MRTFA: variants seen among roughly 807,000 people sequenced by gnomAD.
MRTFA encodes the protein myocardin-related transcription factor A.
MRTFA carries 20 observed loss-of-function variants against 83.5 expected under a neutral mutation model. The observed-to-expected ratio is 0.24, with a 90% CI of 0.17 to 0.35. The LOEUF (loss-of-function observed/expected upper bound fraction) is 0.35, where lower values mean the gene tolerates loss of function less well. MRTFA is among the 10% of genes least tolerant of loss of function. The pLI, the probability that MRTFA is intolerant of heterozygous loss-of-function variation, is 1.00. For synonymous variants in MRTFA, 659 were observed against 541.2 expected, an observed-to-expected ratio of 1.22 and a Z score of -3.02; for missense variants, 1,200 against 1,224.7, an observed-to-expected ratio of 0.98 and a Z score of 0.30.
Position 40,423,667 on chromosome 22 carries a change from T to C in MRTFA, c.796A>G (p.Met266Val). ...AGCATTTCTCTGGAATCCCGGCCCA[T>C]CGGAAGTTGAGACACAACCTGAGAG... The change falls in exon 9 of 15, where the codon ATG becomes GTG. Residue 266 changes from methionine (M) to valine (V), a missense_variant. Around this residue, in one of 2 missense-constraint regions of MRTFA, gnomAD observed 1,107 missense variants for 1,041.8 expected, o/e 1.06. Coordinates refer to ENST00000355630, the MANE Select transcript of MRTFA (RefSeq NM_020831.6). The C allele has an allele frequency of 1.3e-6, 2 of 1,571,080 alleles. No individual in the cohort carries two copies. Among genetic ancestry groups the C allele is most frequent in the Non-Finnish European group, 1.7e-6 (2 of 1,157,624 alleles).
At chr22:40,518,479 AAGG>A (rs2054798849) in intron 3 of MRTFA, among the ~76,000 whole-genome samples, 1 of 151,946 alleles carries the variant, frequency 6.6e-6, no homozygotes, top group Non-Finnish European at 1.5e-5. Context: ...GGAGTGTTGA[AAGG>A]AGTAGTAGAG....
intron 4 of MRTFA, among the ~76,000 whole-genome samples, chr22:40,440,472 T>C (rs2053254196): frequency 6.6e-6 from 1 of 152,252 alleles, no homozygotes; most frequent in Admixed American, 6.5e-5. Context: ...TCTTTCCTCA[T>C]TTTTAATTCT....
intron 3 of MRTFA, chr22:40,526,216 C>T (rs1289182137): frequency 6.6e-6 from 1 of 152,070 alleles, no homozygotes; most frequent in Admixed American, 6.6e-5. Flanking sequence ...TGCTGTTTCA[C>T]AGAGACAGCA....
Position 40,565,984 on chromosome 22 carries a change from G to C in MRTFA, c.-21-13617C>G, listed in dbSNP as rs181803554. Among the ~76,000 whole-genome samples, 283 of 152,244 alleles carry C rather than the reference G, an allele frequency of 1.9e-3. 1 individual carries two copies. The highest frequency in any genetic ancestry group is 3.2e-3 in the Non-Finnish European group (218 of 68,016). ...TGAGAGGTTAAATACTTGATCCTGG[G>C]CAGTGAAGCTTCAGACCTCATGCCT... On this transcript the variant is annotated intron_variant, in intron 2 of 14. Coordinates refer to ENST00000355630, the MANE Select transcript of MRTFA (RefSeq NM_020831.6).
chr22:40,507,705 C>T (rs529175082), intron 3 of MRTFA, among the ~76,000 whole-genome samples: 1 of 151,942 alleles, frequency 6.6e-6, no homozygotes, highest in African/African-American at 2.4e-5. Flanking sequence ...CAGTTGCTCA[C>T]GCTTGTAATC....
intron 2 of MRTFA, among the ~76,000 whole-genome samples, chr22:40,566,267 C>CTGGA (rs1029414836): frequency 4.0e-5 from 6 of 151,008 alleles, no homozygotes; most frequent in African/African-American, 1.2e-4. Context: ...GTCGCCCAGG[C>CTGGA]TGGAGTGCAG....
At position 40,429,812 on chromosome 22, in the gene MRTFA, C is replaced by G. The variant is rs369669119; in HGVS notation, c.440-45G>C. Reference sequence around the variant, plus strand: ...GGGTGCAGGAAGATATATGAGTGGACGTGGTTCTGCCCCGGGAACTCCAGA... The same window carrying G: ...GGGTGCAGGAAGATATATGAGTGGAGGTGGTTCTGCCCCGGGAACTCCAGA... On this transcript the variant is annotated intron_variant, in intron 6 of 14. Transcript: ENST00000355630. The G allele has an allele frequency of 4.8e-5, 74 of 1,551,610 alleles. 1 individual carries two copies. The South Asian group carries it at 8.7e-4, about 18-fold the overall frequency.
chr22:40,601,511 G>A (rs1042434834), intron 1 of MRTFA, among the ~76,000 whole-genome samples: 11 of 152,080 alleles, frequency 7.2e-5, no homozygotes, highest in African/African-American at 2.4e-4. Flanking sequence ...GCCCAACTTC[G>A]AAATAATGTT....
rs1238491207 is a variant in MRTFA, at chr22:40,561,194, CTCTGTGTGTGTGTGTG to C, written c.-21-8843_-21-8828del. On this transcript the variant is annotated intron_variant, in intron 2 of 14. Coordinates refer to ENST00000355630, the MANE Select transcript of MRTFA (RefSeq NM_020831.6). ...GGTGGATGTGGGTGGGTATGGGTAT[CTCTGTGTGTGTGTGTG>C]TCTGTGTGTGTGTGTGTGTGTGTGT... is the stretch of plus-strand genomic sequence containing the variant. Among the ~76,000 whole-genome samples, 548 of 143,664 alleles carry C rather than the reference CTCTGTGTGTGTGTGTG, an allele frequency of 3.8e-3. 1 individual carries two copies. Among genetic ancestry groups the C allele is most frequent in the African/African-American group, 0.013 (508 of 38,218 alleles). 94.2% of individuals were successfully genotyped at this position (143,664 alleles called of 152,430 possible).
At chr22:40,482,060 CAAAA>C (rs35483565) in intron 3 of MRTFA, among the ~76,000 whole-genome samples, 2 of 99,430 alleles carry the variant, frequency 2.0e-5, no homozygotes, top group Non-Finnish European at 2.1e-5. Flanking sequence ...ACTCCCATCT[CAAAA>C]AAAAAAAAAA....
At chr22:40,510,125 G>A (rs1400208128) in intron 3 of MRTFA, among the ~76,000 whole-genome samples, 1 of 152,116 alleles carries the variant, frequency 6.6e-6, no homozygotes, top group Admixed American at 6.6e-5. Context: ...TATGTCTCCA[G>A]ATTCTCTAGA....
intron 2 of MRTFA, chr22:40,587,982 G>C (rs2056057152): frequency 3.8e-6 from 1 of 264,534 alleles, no homozygotes; most frequent in African/African-American, 2.3e-5. Context: ...ACTGATAACA[G>C]TGGATCAGCA....
intron 1 of MRTFA, among the ~76,000 whole-genome samples, chr22:40,596,497 C>T (rs1187301873): frequency 6.6e-6 from 1 of 151,980 alleles, no homozygotes; most frequent in Non-Finnish European, 1.5e-5. Context: ...CTGGCCCCAT[C>T]TCTACTAAAA....
chr22:40,499,462 G>C (rs1016301388), intron 3 of MRTFA, among the ~76,000 whole-genome samples: 6 of 152,100 alleles, frequency 3.9e-5, no homozygotes, highest in African/African-American at 1.4e-4. Flanking sequence ...GAAAAATCAA[G>C]ATAAAAGGAG....
intron 4 of MRTFA, 61 bp from the exon 5 acceptor site, chr22:40,435,615 T>G: frequency 6.4e-7 from 1 of 1,568,562 alleles, no homozygotes; most frequent in Non-Finnish European, 8.8e-7. Flanking sequence ...AGTGCTACGA[T>G]ATTCAGTGGA....
intron 2 of MRTFA, among the ~76,000 whole-genome samples, chr22:40,584,327 C>T (rs1011130761): frequency 6.6e-6 from 1 of 152,240 alleles, no homozygotes; most frequent in Admixed American, 6.5e-5. Context: ...GACATCATGA[C>T]TCCCAAGTCA....
chr22:40,411,244 GTT>G lies in MRTFA; in HGVS notation c.*144_*145del. The G allele has an allele frequency of 1.1e-6, 1 of 899,186 alleles. No individual in the cohort carries two copies. The highest frequency in any genetic ancestry group is 2.6e-5 in the East Asian group (1 of 37,880). 55.7% of individuals were successfully genotyped at this position (899,186 alleles called of 1,614,324 possible). A position where few individuals can be genotyped will look rare whatever the true frequency, so the allele number is the denominator to read the frequency against. ...CTGAACCAGGAGTAAGGGCTTCTCT[GTT>G]CTAGCCTCCCAGGGAAGGGAAAAAG... is the stretch of plus-strand genomic sequence containing the variant. On this transcript the variant is annotated 3_prime_UTR_variant, in exon 15 of 15. Transcript: ENST00000355630.
At chr22:40,533,168 C>T (rs1241700822) in intron 3 of MRTFA, among the ~76,000 whole-genome samples, 1 of 151,888 alleles carries the variant, frequency 6.6e-6, no homozygotes, top group African/African-American at 2.4e-5. Context: ...ATACCACAAA[C>T]AAGAAAGAAC....
At chr22:40,477,186 A>T (rs1292684987) in intron 3 of MRTFA, among the ~76,000 whole-genome samples, 1 of 146,738 alleles carries the variant, frequency 6.8e-6, no homozygotes, top group Non-Finnish European at 1.5e-5. Context: ...AAAAAAAAAA[A>T]AAAAAAAAAA....
Sources: gnomAD v4.1 joint callset for allele counts (sites outside exome capture counted in the v4.1 genomes callset) on GRCh38, gnomAD v4.1.1 for gene constraint, gnomAD v4.1.1 regional missense constraint, MANE v1.5 for transcripts, NCBI Gene and HGNC (gene_info 2026-07-23, HGNC 2026-07-21) for gene names.